LYST: variants seen among roughly 807,000 people sequenced by gnomAD.
LYST encodes the protein lysosomal-trafficking regulator.
LYST carries 192 observed loss-of-function variants against 413.6 expected under a neutral mutation model. That is an observed-to-expected ratio of 0.46 (90% CI 0.41 to 0.52). The LOEUF (loss-of-function observed/expected upper bound fraction) is 0.52. LYST is among the 20% of genes least tolerant of loss of function. LYST has a pLI of 0.00. For missense variants in LYST, 3,815 were observed against 4,499.9 expected (o/e 0.85, Z 4.35); for synonymous variants, 1,525 against 1,567.3 (o/e 0.97, Z 0.64).
At chr1:235,713,836 G>A (rs1424384179) in intron 42 of LYST, among the ~76,000 whole-genome samples, 1 of 152,174 alleles carries the variant, frequency 6.6e-6, no homozygotes, top group Non-Finnish European at 1.5e-5. Context: ...AATGGAGACT[G>A]AGGTAGTCCT....
At chr1:235,761,024 TG>T (rs1403029923) in intron 22 of LYST, among the ~76,000 whole-genome samples, 2 of 152,080 alleles carry the variant, frequency 1.3e-5, no homozygotes. Context: ...GAGGCAGAGG[TG>T]GGTGGCTCAC....
intron 48 of LYST, among the ~76,000 whole-genome samples, chr1:235,683,156 T>C (rs1460809150): frequency 2.0e-5 from 3 of 152,258 alleles, no homozygotes; most frequent in Non-Finnish European, 4.4e-5. Flanking sequence ...TTTAATAAAC[T>C]CTGCACTTTG....
At position 235,664,934 on chromosome 1, in the gene LYST, C is replaced by G. The variant is rs890824593; in HGVS notation, c.11039-313G>C. ...TCAGCCTTCTAAGTTGCTGGGACAA[C>G]AGGTGCACGCCACCACATCCGGCTA... On this transcript the variant is annotated intron_variant, in intron 50 of 52. Transcript: ENST00000389793. The surrounding 1 kb of genome is among the most constrained non-coding windows in gnomAD (Gnocchi z 4.5). Among the ~76,000 whole-genome samples, 2 of 152,134 alleles carry G rather than the reference C, an allele frequency of 1.3e-5. No individual in the cohort carries two copies. The highest frequency in any genetic ancestry group is 3.9e-4 in the East Asian group (2 of 5,190).
At chr1:235,694,220 G>A (rs188432281) in intron 46 of LYST, among the ~76,000 whole-genome samples, 381 of 151,556 alleles carry the variant, frequency 2.5e-3, no homozygotes, top group African/African-American at 8.5e-3. Flanking sequence ...TCATCATGTT[G>A]GCCAGGCTGG....
At position 235,724,008 on chromosome 1, in the gene LYST, A is replaced by T. The variant is rs773648625; in HGVS notation, c.9315+20T>A. ...ATGAGCACTTAAACAATATATATCA[A>T]TTAATAAGGGTGAATTTACCTTGGT... On this transcript the variant is annotated intron_variant, in intron 39 of 52. Coordinates refer to ENST00000389793, the MANE Select transcript of LYST (RefSeq NM_000081.4). 13 of 1,605,454 alleles carry T rather than the reference A, an allele frequency of 8.1e-6. No individual in the cohort carries two copies. In the South Asian group the frequency reaches 1.4e-4, roughly 18 times the overall value.
At chr1:235,780,368 C>T (rs141143527) in intron 16 of LYST, among the ~76,000 whole-genome samples, 191 of 151,492 alleles carry the variant, frequency 1.3e-3, no homozygotes, top group African/African-American at 4.4e-3. Flanking sequence ...CACACCACTG[C>T]ACCCAAGCCT....
chr1:235,729,082 T>C (rs572469542), intron 37 of LYST, among the ~76,000 whole-genome samples: 11 of 152,328 alleles, frequency 7.2e-5, no homozygotes, highest in Non-Finnish European at 1.3e-4. Flanking sequence ...TTTAAGGGAA[T>C]AGAGATCAAG....
chr1:235,837,227 G>C (rs554752993), intron 1 of LYST, among the ~76,000 whole-genome samples: 3 of 152,324 alleles, frequency 2.0e-5, no homozygotes, highest in Admixed American at 6.5e-5. Flanking sequence ...AGGAGACTGA[G>C]AAGGAACAGC....
At chr1:235,721,517 A>C (rs1302341787) in intron 39 of LYST, among the ~76,000 whole-genome samples, 1 of 152,246 alleles carries the variant, frequency 6.6e-6, no homozygotes. Context: ...TAATAAATGA[A>C]AAAAACAGAC....
rs187349892 is a variant in LYST at position 235,803,623 on chromosome 1, T to C, written c.3556-559A>G. Among the ~76,000 whole-genome samples, 436 of 152,226 alleles carry C rather than the reference T, an allele frequency of 2.9e-3. 2 individuals carry two copies. Among genetic ancestry groups the C allele is most frequent in the African/African-American group, 0.01 (416 of 41,568 alleles). ...TAAGAAAGAAATTTTCCTTTTCTTA[T>C]AAAAATTCCACTAATACCTTCATTT... On this transcript the variant is annotated intron_variant, in intron 7 of 52. Coordinates refer to ENST00000389793, the MANE Select transcript of LYST (RefSeq NM_000081.4).
chr1:235,794,592 G>C (rs1422182126), intron 10 of LYST, among the ~76,000 whole-genome samples: 2 of 152,146 alleles, frequency 1.3e-5, no homozygotes, highest in African/African-American at 4.8e-5. Context: ...AAATAATCTT[G>C]ATTTAAAACC....
At chr1:235,757,682 C>CT (rs1558198021) in intron 23 of LYST, among the ~76,000 whole-genome samples, 1 of 152,122 alleles carries the variant, frequency 6.6e-6, no homozygotes, top group Non-Finnish European at 1.5e-5. Context: ...TTGTACATCT[C>CT]TGATGTCTAA....
intron 12 of LYST, among the ~76,000 whole-genome samples, chr1:235,791,276 G>A (rs574302076): frequency 6.7e-6 from 1 of 150,226 alleles, no homozygotes; most frequent in East Asian, 1.9e-4. Context: ...GAGTGAAACT[G>A]TCTCAAAAAA....
At chr1:235,781,191 C>T in intron 15 of LYST, 136 bp from the exon 16 acceptor site, 1 of 636,692 alleles carries the variant, frequency 1.6e-6, no homozygotes, top group Non-Finnish European at 2.8e-6. Flanking sequence ...ATTGATAAAG[C>T]CTCAATTTCG....
At chr1:235,864,137 C>T (rs954767640) in intron 1 of LYST, among the ~76,000 whole-genome samples, 2 of 152,110 alleles carry the variant, frequency 1.3e-5, no homozygotes, top group African/African-American at 4.8e-5. Flanking sequence ...TGCTGCTTGG[C>T]TATAAATTCC....
intron 1 of LYST, among the ~76,000 whole-genome samples, chr1:235,878,527 C>T (rs1009001528): frequency 2.0e-5 from 3 of 152,132 alleles, no homozygotes; most frequent in Admixed American, 6.5e-5. Context: ...TCCTACTGCC[C>T]AAGTTCCTCC....
At chr1:235,748,395 AC>A (rs1032189273) in intron 28 of LYST, among the ~76,000 whole-genome samples, 1 of 152,150 alleles carries the variant, frequency 6.6e-6, no homozygotes, top group Non-Finnish European at 1.5e-5. Context: ...AAGCAAAAAA[AC>A]CTTTGTTTAT....
At chr1:235,701,156 A>G (rs1661513546) in intron 45 of LYST, among the ~76,000 whole-genome samples, 1 of 152,202 alleles carries the variant, frequency 6.6e-6, no homozygotes, top group Non-Finnish European at 1.5e-5. Context: ...CAGGTGGAGC[A>G]AAGAGTCATC....
rs535286993 is a variant in LYST at position 235,782,364 on chromosome 1, G to A, written c.4863-277C>T. Among the ~76,000 whole-genome samples, 439 of 151,828 alleles carry A rather than the reference G, an allele frequency of 2.9e-3. 2 individuals are homozygous for A. The highest frequency in any genetic ancestry group is 0.01 in the African/African-American group (418 of 41,420). On this transcript the variant is annotated intron_variant, in intron 14 of 52. Transcript: ENST00000389793. ...TTTGTATTTTTTTTTTAGTAAAGAC[G>A]GGGTTTCACTGTGTTAGCCAGGATG...
Sources: gnomAD v4.1 joint callset for allele counts (sites outside exome capture counted in the v4.1 genomes callset) on GRCh38, gnomAD v4.1.1 for gene constraint, Gnocchi (gnomAD v3.1) non-coding constraint, MANE v1.5 for transcripts, NCBI Gene and HGNC (gene_info 2026-07-23, HGNC 2026-07-21) for gene names.